GRID2: variants seen among roughly 807,000 people sequenced by gnomAD.
GRID2 encodes the protein glutamate receptor ionotropic, delta-2.
Under a neutral mutation model 114.8 loss-of-function variants are expected in GRID2, and 33 were observed. The observed-to-expected ratio is 0.29, with a 90% CI of 0.22 to 0.38. The LOEUF (loss-of-function observed/expected upper bound fraction) is 0.38, where lower values mean the gene tolerates loss of function less well. Among genes scored for constraint, GRID2 ranks in the 10% least tolerant of loss-of-function variants. GRID2 has a pLI of 1.00. For missense variants in GRID2, 1,184 were observed against 1,257.7 expected (o/e 0.94, Z 0.89); for synonymous variants, 505 against 449.9 (o/e 1.12, Z -1.55).
At chr4:92,941,905 C>G (rs1751174993) in intron 2 of GRID2, among the ~76,000 whole-genome samples, 1 of 152,124 alleles carries the variant, frequency 6.6e-6, no homozygotes, top group Non-Finnish European at 1.5e-5. Context: ...ATCCTGAGTT[C>G]TAGTTTGATT....
At position 92,931,623 on chromosome 4, in the gene GRID2, T is replaced by TACACAC. The variant is rs375152274; in HGVS notation, c.245-153356_245-153351dup. On this transcript the variant is annotated intron_variant, in intron 2 of 15. Transcript: ENST00000282020. ...CTACCCAAGGCTACAAGATAGAAGA[T>TACACAC]ACACACACACACACACACACAGCAT... Among the ~76,000 whole-genome samples the TACACAC allele has an allele frequency of 4.1e-5, 6 of 144,870 alleles. No homozygotes were observed. In the South Asian group the frequency reaches 8.6e-4, roughly 21 times the overall value.
At chr4:93,358,728 A>T (rs534773834) in intron 8 of GRID2, among the ~76,000 whole-genome samples, 1 of 152,052 alleles carries the variant, frequency 6.6e-6, no homozygotes, top group Non-Finnish European at 1.5e-5. Flanking sequence ...TTCTTCTTTG[A>T]TCTAGTAATG....
chr4:92,924,143 A>G (rs1749610577), intron 2 of GRID2, among the ~76,000 whole-genome samples: 1 of 152,174 alleles, frequency 6.6e-6, no homozygotes, highest in South Asian at 2.1e-4. Flanking sequence ...GCAAACTATC[A>G]CAAGGACAAA....
intron 2 of GRID2, among the ~76,000 whole-genome samples, chr4:92,679,903 A>C (rs1733561153): frequency 6.9e-6 from 1 of 145,102 alleles, no homozygotes; most frequent in African/African-American, 2.7e-5. Context: ...AACTTCCTAG[A>C]TGTTAAATTG....
chr4:93,039,768 A>T (rs1352007949), intron 2 of GRID2, among the ~76,000 whole-genome samples: 2 of 152,152 alleles, frequency 1.3e-5, no homozygotes, highest in Non-Finnish European at 2.9e-5. Context: ...GTCCTTGGGC[A>T]TGTTTATGCT....
chr4:92,755,955 T>C (rs1055633420), intron 2 of GRID2, among the ~76,000 whole-genome samples: 3 of 152,186 alleles, frequency 2.0e-5, no homozygotes, highest in African/African-American at 7.2e-5. Flanking sequence ...ATCTTTTCCG[T>C]CTGCTGAGTA....
intron 13 of GRID2, among the ~76,000 whole-genome samples, chr4:93,581,934 A>G (rs1737020606): frequency 6.6e-6 from 1 of 152,182 alleles, no homozygotes; most frequent in African/African-American, 2.4e-5. Context: ...TCAACTCTTA[A>G]AAACATAAGA....
At chr4:93,121,660 A>T (rs1414145420) in intron 4 of GRID2, among the ~76,000 whole-genome samples, 1 of 152,150 alleles carries the variant, frequency 6.6e-6, no homozygotes, top group Non-Finnish European at 1.5e-5. Context: ...TAGGAATGAA[A>T]TTGCTAGCTC....
intron 2 of GRID2, among the ~76,000 whole-genome samples, chr4:92,903,518 C>T (rs1578426497): frequency 6.6e-6 from 1 of 151,784 alleles, no homozygotes; most frequent in South Asian, 2.1e-4. Context: ...TGGAGGAACC[C>T]ACAGGAATAA....
At chr4:92,840,338 T>C (rs1578277765) in intron 2 of GRID2, among the ~76,000 whole-genome samples, 2 of 152,028 alleles carry the variant, frequency 1.3e-5, no homozygotes, top group African/African-American at 4.8e-5. Flanking sequence ...TATTGACAAG[T>C]AAGAGCTTAA....
intron 2 of GRID2, among the ~76,000 whole-genome samples, chr4:92,909,933 C>T (rs1264104227): frequency 1.3e-5 from 2 of 152,054 alleles, no homozygotes; most frequent in Non-Finnish European, 2.9e-5. Context: ...GACTTAGACA[C>T]TTACTTTACC....
At chr4:92,313,121 G>GTGTGTGTA (rs1373462080) in intron 1 of GRID2, among the ~76,000 whole-genome samples, 6 of 136,598 alleles carry the variant, frequency 4.4e-5, no homozygotes, top group African/African-American at 1.6e-4. Flanking sequence ...GTGTGTGTGT[G>GTGTGTGTA]TATATGAGAT....
rs530559538 is a variant in GRID2 at position 93,470,051 on chromosome 4, C to T, written c.1858+14077C>T. Among the ~76,000 whole-genome samples the T allele has an allele frequency of 1.4e-4, 22 of 152,184 alleles. 1 individual carries two copies. In the South Asian group the frequency reaches 4.6e-3, roughly 32 times the overall value. ...TTGTATTGACCCAAGTGACATTCTACAAATGCTGACTTAAATTAGGTTAAG... is the reference window on the plus strand; with the variant it reads ...TTGTATTGACCCAAGTGACATTCTATAAATGCTGACTTAAATTAGGTTAAG... On this transcript the variant is annotated intron_variant, in intron 11 of 15. Transcript: ENST00000282020.
intron 1 of GRID2, among the ~76,000 whole-genome samples, chr4:92,453,867 A>G (rs1391483134): frequency 6.6e-6 from 1 of 152,172 alleles, no homozygotes; most frequent in Non-Finnish European, 1.5e-5. Flanking sequence ...ACTGTCCTTA[A>G]AAACTTAAGA....
intron 8 of GRID2, among the ~76,000 whole-genome samples, chr4:93,291,998 T>A (rs1220268534): frequency 6.6e-6 from 1 of 152,166 alleles, no homozygotes; most frequent in Non-Finnish European, 1.5e-5. Context: ...AGTTTTATTG[T>A]TACTCATAAG....
chr4:92,581,118 C>T (rs1181761038), intron 1 of GRID2, among the ~76,000 whole-genome samples: 1 of 151,146 alleles, frequency 6.6e-6, no homozygotes, highest in East Asian at 1.9e-4. Context: ...GAGATGTAAA[C>T]TAATTTAGAG....
intron 2 of GRID2, among the ~76,000 whole-genome samples, chr4:92,843,107 G>T (rs1203115174): frequency 6.6e-6 from 1 of 151,980 alleles, no homozygotes; most frequent in African/African-American, 2.4e-5. Context: ...CCCAGGAGGG[G>T]TAACACATAC....
chr4:93,604,113 T>C (rs1286506903), intron 13 of GRID2, among the ~76,000 whole-genome samples: 1 of 152,188 alleles, frequency 6.6e-6, no homozygotes, highest in Non-Finnish European at 1.5e-5. Flanking sequence ...TATGATGAAT[T>C]TGGACAAAGT....
At chr4:92,681,376 A>G (rs775475866) in intron 2 of GRID2, among the ~76,000 whole-genome samples, 1 of 152,168 alleles carries the variant, frequency 6.6e-6, no homozygotes, top group African/African-American at 2.4e-5. Flanking sequence ...TCATTGTTCA[A>G]TTCCCACCTA....
Sources: gnomAD v4.1 joint callset for allele counts (sites outside exome capture counted in the v4.1 genomes callset) on GRCh38, gnomAD v4.1.1 for gene constraint, MANE v1.5 for transcripts, NCBI Gene and HGNC (gene_info 2026-07-23, HGNC 2026-07-21) for gene names.